Variants in NBAS observed in about 807,000 individuals in gnomAD.
The protein encoded by NBAS is NBAS subunit of NRZ tethering complex.
Under a neutral mutation model 302.5 loss-of-function variants are expected in NBAS, and 219 were observed. That is an observed-to-expected ratio of 0.72 (90% CI 0.65 to 0.81). The LOEUF is 0.81. Ranked by LOEUF, NBAS falls within the 30% of genes least tolerant of loss-of-function variation. The pLI is 0.00. For synonymous variants in NBAS, 1,118 were observed against 1,021.6 expected (o/e 1.09, Z -1.80); for missense variants, 2,932 against 2,841.6 (o/e 1.03, Z -0.72).
Position 15,534,623 on chromosome 2 carries a change from G to A in NBAS, c.666C>T (p.Ser222=), listed in dbSNP as rs1558419557. The change falls in exon 9 of 52, where the codon AGC becomes AGT. Residue 222 remains serine, a synonymous_variant. Coordinates refer to ENST00000281513, the MANE Select transcript of NBAS (RefSeq NM_015909.4). ...AGCTGAAACAGTGACTTTCTTGGTA[G>A]CTCTGATTTGTTCCAACACTAAATT... The part of the protein sequence containing the change: ...SYLVSVGTNQ[S]YQESHCFSFS... 1 of 1,613,460 alleles carries A rather than the reference G, an allele frequency of 6.2e-7. No individual in the cohort carries two copies. The highest frequency in any genetic ancestry group is 8.5e-7 in the Non-Finnish European group (1 of 1,179,490).
At chr2:15,197,199 C>T (rs1357258719) in intron 48 of NBAS, among the ~76,000 whole-genome samples, 1 of 152,102 alleles carries the variant, frequency 6.6e-6, no homozygotes, top group African/African-American at 2.4e-5. Flanking sequence ...GTATAAGAGC[C>T]GTCACAATTT....
the NBAS span, among the ~76,000 whole-genome samples, chr2:14,920,174 T>C: frequency 6.6e-6 from 1 of 152,170 alleles, no homozygotes; most frequent in Non-Finnish European, 1.5e-5. Context: ...AAAACAACAT[T>C]AATCTTATGT....
At chr2:14,950,552 G>T in the NBAS span, among the ~76,000 whole-genome samples, 1 of 152,128 alleles carries the variant, frequency 6.6e-6, no homozygotes, top group Non-Finnish European at 1.5e-5. Context: ...TCGATATAAA[G>T]AATGTTTTAA....
chr2:15,378,358 A>C (rs1195839671), intron 30 of NBAS, among the ~76,000 whole-genome samples: 1 of 152,170 alleles, frequency 6.6e-6, no homozygotes, highest in African/African-American at 2.4e-5. Context: ...TATTAGAGGA[A>C]CTAGACACTG....
At chr2:15,478,614 A>C (rs1235689260) in intron 12 of NBAS, among the ~76,000 whole-genome samples, 1 of 152,230 alleles carries the variant, frequency 6.6e-6, no homozygotes, top group African/African-American at 2.4e-5. Flanking sequence ...TGTGATGAAT[A>C]AACACTGGCC....
At chr2:15,436,170 A>G (rs141873743) in intron 21 of NBAS, among the ~76,000 whole-genome samples, 1 of 152,230 alleles carries the variant, frequency 6.6e-6, no homozygotes, top group African/African-American at 2.4e-5. Context: ...AACTAGAAAG[A>G]CAAGATCAAA....
intron 44 of NBAS, among the ~76,000 whole-genome samples, chr2:15,265,030 T>A (rs1669016374): frequency 6.6e-6 from 1 of 152,212 alleles, no homozygotes; most frequent in African/African-American, 2.4e-5. Flanking sequence ...CCTTTCCACA[T>A]CATATGCAAA....
intron 21 of NBAS, among the ~76,000 whole-genome samples, chr2:15,445,971 T>C (rs1678716821): frequency 6.6e-6 from 1 of 150,516 alleles, no homozygotes; most frequent in Admixed American, 6.6e-5. Context: ...AATAGCAAAT[T>C]TAAGGACACA....
chr2:14,849,277 A>C, the NBAS span, among the ~76,000 whole-genome samples: 1 of 152,176 alleles, frequency 6.6e-6, no homozygotes, highest in Non-Finnish European at 1.5e-5. Flanking sequence ...TACGTGAAGA[A>C]TGAATGCAGA....
chr2:15,478,368 T>C, intron 12 of NBAS, 79 bp from the exon 13 acceptor site: 1 of 1,028,292 alleles, frequency 9.7e-7, no homozygotes, highest in African/African-American at 1.6e-5. Flanking sequence ...GTGGACTTTT[T>C]CAAATAAAGA....
At chr2:14,876,588 T>C in the NBAS span, among the ~76,000 whole-genome samples, 2 of 152,320 alleles carry the variant, frequency 1.3e-5, no homozygotes, top group East Asian at 3.9e-4. Flanking sequence ...CTTTGTGTGG[T>C]ATTGCAGTGT....
At chr2:14,873,507 G>A in the NBAS span, among the ~76,000 whole-genome samples, 1 of 152,274 alleles carries the variant, frequency 6.6e-6, no homozygotes, top group South Asian at 2.1e-4. Context: ...GTGAGCCACT[G>A]TGCCTGGCCA....
At chr2:15,132,743 TA>T in the NBAS span, among the ~76,000 whole-genome samples, 6 of 150,844 alleles carry the variant, frequency 4.0e-5, no homozygotes, top group East Asian at 1.9e-4. Flanking sequence ...AAAACTGCTC[TA>T]AAAAAAAAGT....
the NBAS span, among the ~76,000 whole-genome samples, chr2:15,154,792 G>T: frequency 6.6e-6 from 1 of 152,136 alleles, no homozygotes; most frequent in African/African-American, 2.4e-5. Context: ...GGGGGTTCAA[G>T]AGAAGTATCA....
At chr2:15,055,082 C>A in the NBAS span, among the ~76,000 whole-genome samples, 1 of 152,132 alleles carries the variant, frequency 6.6e-6, no homozygotes, top group African/African-American at 2.4e-5. Flanking sequence ...AGACATTCAT[C>A]CACAGCTCCC....
At chr2:14,892,275 G>A in the NBAS span, among the ~76,000 whole-genome samples, 9 of 152,108 alleles carry the variant, frequency 5.9e-5, no homozygotes, top group African/African-American at 2.2e-4. Context: ...AAAAGAGAAA[G>A]GCAGACAGGA....
At chr2:15,483,216 G>A (rs1384789335) in intron 12 of NBAS, 2 of 210,900 alleles carry the variant, frequency 9.5e-6, no homozygotes, top group African/African-American at 4.7e-5. Context: ...GCCTAAGAGA[G>A]TCTGTGATGA....
chr2:15,356,205 G>T, intron 33 of NBAS, 98 bp downstream of exon 33: 1 of 981,860 alleles, frequency 1.0e-6, no homozygotes, highest in African/African-American at 1.6e-5. Flanking sequence ...AATGTGGCTG[G>T]CTTACCAATC....
At chr2:14,850,938 G>A in the NBAS span, among the ~76,000 whole-genome samples, 1 of 135,088 alleles carries the variant, frequency 7.4e-6, no homozygotes, top group African/African-American at 3.3e-5. Context: ...CAGTGTGTAG[G>A]GGGAAATTTA....
Sources: allele counts gnomAD v4.1 joint callset (sites outside exome capture counted in the v4.1 genomes callset), GRCh38; gene constraint gnomAD v4.1.1; transcripts MANE v1.5; gene names NCBI Gene and HGNC (gene_info 2026-07-23, HGNC 2026-07-21).